TMEM106A: variants seen among roughly 807,000 people sequenced by gnomAD.
The protein encoded by TMEM106A is transmembrane protein 106A.
TMEM106A carries 22 observed loss-of-function variants against 25.1 expected under a neutral mutation model. The observed-to-expected ratio is 0.88, with a 90% CI of 0.63 to 1.25. The LOEUF is 1.25. Ranked by LOEUF, TMEM106A falls within the 50% of genes most tolerant of loss-of-function variation. The pLI is 0.00. For synonymous variants in TMEM106A, 104 were observed against 129.9 expected, an observed-to-expected ratio of 0.80 and a Z score of 1.35; for missense variants, 275 against 318.1, an observed-to-expected ratio of 0.86 and a Z score of 1.03.
chr17:43,211,953 C>T (rs1358945935), intron 1 of TMEM106A, 31 bp downstream of exon 1: 2 of 152,244 alleles, frequency 1.3e-5, no homozygotes, highest in African/African-American at 4.8e-5. Context: ...TTTATACCTA[C>T]TTTACCTTTC....
intron 4 of TMEM106A, among the ~76,000 whole-genome samples, 154 bp from the exon 5 acceptor site, chr17:43,215,634 C>T (rs561292400): frequency 6.6e-6 from 1 of 152,264 alleles, no homozygotes; most frequent in South Asian, 2.1e-4. Context: ...TGTGCTCCTA[C>T]TCATTCCGGG....
chr17:43,217,307 C>T lies in TMEM106A; in HGVS notation c.663C>T (p.His221=), dbSNP rs1302662110. Residue 221 remains histidine (H), a synonymous_variant, in exon 8 of 9, where the codon CAC becomes CAT. Coordinates refer to ENST00000612339, the MANE Select transcript of TMEM106A (RefSeq NM_145041.4). ...TCAAAGTCCACCATGTGCTTTTGCA[C>T]ATCCAGTAAGTAGAGCTTGGAGCTC... ...LEIKVHHVLL[H]IQGTLTCSYL... 1 of 1,614,246 alleles carries T rather than the reference C, an allele frequency of 6.2e-7. No homozygotes were observed. Among genetic ancestry groups the T allele is most frequent in the Admixed American group, 1.7e-5 (1 of 60,026 alleles).
intron 3 of TMEM106A, 25 bp from the exon 4 acceptor site, chr17:43,213,803 T>C (rs1480032051): frequency 1.2e-6 from 2 of 1,613,344 alleles, no homozygotes; most frequent in Admixed American, 3.3e-5. Flanking sequence ...ATCTTGGCCC[T>C]CCCTCTCACC....
intron 4 of TMEM106A, 51 bp from the exon 5 acceptor site, chr17:43,215,737 T>G (rs770580539): frequency 1.2e-6 from 2 of 1,605,524 alleles, no homozygotes; most frequent in Admixed American, 1.7e-5. Flanking sequence ...CCGAGTTTCC[T>G]TGGTGTTCAG....
intron 2 of TMEM106A, among the ~76,000 whole-genome samples, 179 bp from the exon 3 acceptor site, chr17:43,212,842 C>T (rs1427217307): frequency 6.6e-6 from 1 of 152,150 alleles, no homozygotes; most frequent in Admixed American, 6.6e-5. Context: ...AGTCGAAATG[C>T]ATTGAGACTT....
chr17:43,216,382 GC>G, intron 5 of TMEM106A, 66 bp from the exon 6 acceptor site: 1 of 1,590,730 alleles, frequency 6.3e-7, no homozygotes, highest in Non-Finnish European at 8.6e-7. Flanking sequence ...CCAGGCTTTT[GC>G]AACTGTTTGG....
At position 43,216,171 on chromosome 17, in the gene TMEM106A, G is replaced by A. The variant is rs553130940; in HGVS notation, c.429+230G>A. On this transcript the variant is annotated intron_variant, in intron 5 of 8. Transcript: ENST00000612339. ...CGGGCCAGATAAGTAAACCACAGGG[G>A]TGGAGTGGGGTGACAGTGCCTGAGA... 18 of 652,616 alleles carry A rather than the reference G, an allele frequency of 2.8e-5. No individual in the cohort carries two copies. The South Asian group carries it at 3.5e-4, about 13-fold the overall frequency. The allele number at this position is 652,616 out of a possible 1,614,324, so 40.4% of individuals were successfully genotyped here. A position where few individuals can be genotyped will look rare whatever the true frequency, so the allele number is the denominator to read the frequency against.
intron 7 of TMEM106A, 125 bp downstream of exon 7, chr17:43,216,865 C>T: frequency 7.9e-7 from 1 of 1,265,048 alleles, no homozygotes; most frequent in Admixed American, 1.7e-5. Flanking sequence ...CCTCCCATGG[C>T]CGAGAATGTA....
chr17:43,215,751 T>C, intron 4 of TMEM106A, 37 bp from the exon 5 acceptor site: 1 of 1,611,434 alleles, frequency 6.2e-7, no homozygotes, highest in Non-Finnish European at 8.5e-7. Flanking sequence ...TGTTCAGACT[T>C]TTCCATTCCT....
rs749296437 is a variant in TMEM106A, at chr17:43,213,203, C to G, written c.162C>G (p.Ala54=). 3.1e-6 allele frequency: 5 copies of G among 1,614,068 alleles called. No homozygotes were observed. Among genetic ancestry groups the G allele is most frequent in the Admixed American group, 1.7e-5 (1 of 59,996 alleles). ...SCVPCEGTAD[A]SFVTCPTCQG... ...TGCCTTGTGAAGGAACTGCTGATGC[C>G]AGCTTCGTGACTTGTCCCACCTGCC... Residue 54 remains alanine, a synonymous_variant, in exon 3 of 9, where the codon GCC becomes GCG. Transcript: ENST00000612339.
rs1362990720 is a variant in TMEM106A at position 43,219,564 on chromosome 17, C to T, written c.*1763C>T. On this transcript the variant is annotated 3_prime_UTR_variant, in exon 9 of 9. Coordinates refer to ENST00000612339, the MANE Select transcript of TMEM106A (RefSeq NM_145041.4). ...ACATGAGCAGCAACATTAGCAAGAC[C>T]CCGTTTAAAAAAAAAAAAAGAGCTG... is the stretch of plus-strand genomic sequence containing the variant. 3 of 150,924 alleles carry T rather than the reference C, an allele frequency of 2.0e-5. No homozygotes were observed. The East Asian group carries it at 5.8e-4, about 29-fold the overall frequency. The allele number at this position is 150,924 out of a possible 1,614,324, so 9.3% of individuals were successfully genotyped here. A position where few individuals can be genotyped will look rare whatever the true frequency, so the allele number is the denominator to read the frequency against.
chr17:43,215,743 T>G (rs1232852617), intron 4 of TMEM106A, 45 bp from the exon 5 acceptor site: 5 of 1,609,990 alleles, frequency 3.1e-6, no homozygotes, highest in Non-Finnish European at 4.2e-6. Context: ...TTCCTTGGTG[T>G]TCAGACTTTT....
chr17:43,216,506 C>G lies in TMEM106A; in HGVS notation c.487C>G (p.Leu163Val), dbSNP rs1261115793. ...CCCCATTATGGTGACACAGCTGACC[C>G]TCGAGGTTCTGCACCTGTCCCTCGT... The part of the protein sequence containing the change: ...YYPIMVTQLT[L>V]EVLHLSLVVG... The change falls in exon 6 of 9, where the codon CTC becomes GTC. Residue 163 changes from leucine to valine, a missense_variant. By Grantham distance (32) the Leu-to-Val change is conservative. Coordinates refer to ENST00000612339, the MANE Select transcript of TMEM106A (RefSeq NM_145041.4). 6.2e-7 allele frequency: 1 copy of G among 1,614,232 alleles called. No individual in the cohort carries two copies. The highest frequency in any genetic ancestry group is 8.5e-7 in the Non-Finnish European group (1 of 1,180,042).
In TMEM106A at chr17:43,219,505, GAGAGGATCTCT is replaced by G. The variant is rs888470659; in HGVS notation, c.*1709_*1719del. On this transcript the variant is annotated 3_prime_UTR_variant, in exon 9 of 9. Transcript: ENST00000612339. The stretch of plus-strand genomic sequence containing the variant: ...TCCCAGCTACTCAGGAAGCTGAGGT[GAGAGGATCTCT>G]AGAGCCCAGGAATTCAAGTTTAACA... 3.3e-5 allele frequency: 5 copies of G among 151,854 alleles called. No individual in the cohort carries two copies. The highest frequency in any genetic ancestry group is 1.2e-4 in the African/African-American group (5 of 41,300). The allele number at this position is 151,854 out of a possible 1,614,324, so 9.4% of individuals were successfully genotyped here.
intron 7 of TMEM106A, 128 bp from the exon 8 acceptor site, chr17:43,217,131 T>G: frequency 1.0e-6 from 1 of 958,664 alleles, no homozygotes; most frequent in Non-Finnish European, 1.7e-6. Context: ...GGGAGTGACA[T>G]TTTGGGGGCA....
At chr17:43,216,892 G>A in intron 7 of TMEM106A, 152 bp downstream of exon 7, 5 of 999,712 alleles carry the variant, frequency 5.0e-6, no homozygotes, top group Non-Finnish European at 6.2e-6. Context: ...AAGGGTTCAG[G>A]GTCCCCAGCC....
At chr17:43,213,695 G>C (rs1319806027) in intron 3 of TMEM106A, 133 bp from the exon 4 acceptor site, 6 of 864,588 alleles carry the variant, frequency 6.9e-6, no homozygotes, top group Non-Finnish European at 1.1e-5. Context: ...TTCCAGTCCT[G>C]CTCTGGGGCA....
Position 43,219,829 on chromosome 17 carries a change from T to C in TMEM106A, c.*2028T>C, listed in dbSNP as rs553443502. On this transcript the variant is annotated 3_prime_UTR_variant, in exon 9 of 9. Transcript: ENST00000612339. ...AAAGCTAATTTTGAAGTAGGATGCA[T>C]GGAGAGGGAGAAGTGGTGACAGAAC... The C allele has an allele frequency of 2.3e-4, 34 of 150,484 alleles. No individual in the cohort carries two copies. Among genetic ancestry groups the C allele is most frequent in the African/African-American group, 8.3e-4 (34 of 40,908 alleles). The allele number at this position is 150,484 out of a possible 1,614,324, so 9.3% of individuals were successfully genotyped here. A position where few individuals can be genotyped will look rare whatever the true frequency, so the allele number is the denominator to read the frequency against.
chr17:43,213,134 C>G lies in TMEM106A; in HGVS notation c.93C>G (p.Val31=), dbSNP rs367607909. Reference sequence around the variant, plus strand: ...AACCAGCCATTGGCAGCAAGGCTGTCAACTACTCCAGCACCGGTAGCAGCA... The same window carrying G: ...AACCAGCCATTGGCAGCAAGGCTGTGAACTACTCCAGCACCGGTAGCAGCA... The part of the protein sequence containing the change: ...SSKPAIGSKA[V]NYSSTGSSKS... Residue 31 remains valine, a synonymous_variant, in exon 3 of 9, where the codon GTC becomes GTG. Coordinates refer to ENST00000612339, the MANE Select transcript of TMEM106A (RefSeq NM_145041.4). The G allele has an allele frequency of 3.7e-6, 6 of 1,614,108 alleles. No individual in the cohort carries two copies. Among genetic ancestry groups the G allele is most frequent in the Non-Finnish European group, 5.1e-6 (6 of 1,180,052 alleles).
Sources: allele counts gnomAD v4.1 joint callset (sites outside exome capture counted in the v4.1 genomes callset), GRCh38; gene constraint gnomAD v4.1.1; transcripts MANE v1.5; gene names NCBI Gene and HGNC (gene_info 2026-07-23, HGNC 2026-07-21).